Variants in CNTNAP2 observed in about 807,000 individuals in gnomAD.
The protein encoded by CNTNAP2 is contactin-associated protein-like 2.
In CNTNAP2, 98 loss-of-function variants were observed where a neutral mutation model predicts 155.2. The observed-to-expected ratio is 0.63, with a 90% CI of 0.54 to 0.75. CNTNAP2 has a LOEUF of 0.75. Among genes scored for constraint, CNTNAP2 ranks in the 30% least tolerant of loss-of-function variants. The probability of loss-of-function intolerance (pLI) is 0.00; values close to 1 mark genes in which losing one functional copy is unlikely to be tolerated. For synonymous variants in CNTNAP2, 651 were observed against 631.2 expected, an observed-to-expected ratio of 1.03 and a Z score of -0.47; for missense variants, 1,727 against 1,688.1, an observed-to-expected ratio of 1.02 and a Z score of -0.40.
At chr7:147,077,350 A>T (rs1448254297) in intron 4 of CNTNAP2, among the ~76,000 whole-genome samples, 1 of 152,276 alleles carries the variant, frequency 6.6e-6, no homozygotes, top group African/African-American at 2.4e-5. Flanking sequence ...TGCAATTATG[A>T]TTAGCAGAAA....
At chr7:147,895,814 A>G (rs117060303) in intron 13 of CNTNAP2, among the ~76,000 whole-genome samples, 1,676 of 152,356 alleles carry the variant, frequency 0.011, 88 homozygotes, top group Admixed American at 0.091. Context: ...CCTCTTGCTG[A>G]ATATAAAATA....
rs181963013 is a variant in CNTNAP2 at position 147,448,679 on chromosome 7, T to C, written c.1671-37256T>C. ...TTTCATATTTTAGGTCATATACATA[T>C]ACACAACATAATAGGGACGGGGAGA... is the stretch of plus-strand genomic sequence containing the variant. On this transcript the variant is annotated intron_variant, in intron 10 of 23. Transcript: ENST00000361727. Among the ~76,000 whole-genome samples, 685 of 152,048 alleles carry C rather than the reference T, an allele frequency of 4.5e-3. 1 individual carries two copies. Among genetic ancestry groups the C allele is most frequent in the Middle Eastern group, 0.014 (4 of 294 alleles).
At chr7:147,491,921 A>C (rs1285565263) in intron 11 of CNTNAP2, among the ~76,000 whole-genome samples, 4 of 152,204 alleles carry the variant, frequency 2.6e-5, no homozygotes, top group African/African-American at 9.6e-5. Context: ...AGCAAAAAAA[A>C]TCTACATATT....
chr7:146,197,738 T>A (rs1267559256), intron 1 of CNTNAP2, among the ~76,000 whole-genome samples: 7 of 152,208 alleles, frequency 4.6e-5, no homozygotes, highest in Admixed American at 4.6e-4. Context: ...TTTCCAGCAT[T>A]AAATTACATA....
intron 11 of CNTNAP2, among the ~76,000 whole-genome samples, chr7:147,487,573 T>C (rs1798532118): frequency 6.6e-6 from 1 of 152,200 alleles, no homozygotes; most frequent in Non-Finnish European, 1.5e-5. Context: ...TGCTAACCAA[T>C]GGTCAAGAGC....
chr7:147,028,224 T>C (rs567696427), intron 3 of CNTNAP2, among the ~76,000 whole-genome samples: 1 of 152,326 alleles, frequency 6.6e-6, no homozygotes, highest in African/African-American at 2.4e-5. Context: ...TAGATTTCAC[T>C]TTATTAGTGC....
chr7:147,496,433 GGAT>G (rs1798709283), intron 11 of CNTNAP2, among the ~76,000 whole-genome samples: 2 of 152,100 alleles, frequency 1.3e-5, no homozygotes, highest in African/African-American at 4.8e-5. Context: ...AAAACCATTT[GGAT>G]GATTTGATAT....
chr7:147,016,466 T>A (rs934203181), intron 3 of CNTNAP2, among the ~76,000 whole-genome samples: 5 of 152,068 alleles, frequency 3.3e-5, no homozygotes, highest in African/African-American at 9.7e-5. Flanking sequence ...AAACATACTA[T>A]AAAGTATATG....
chr7:147,483,363 G>A (rs1798457945), intron 10 of CNTNAP2, among the ~76,000 whole-genome samples: 1 of 152,238 alleles, frequency 6.6e-6, no homozygotes, highest in East Asian at 1.9e-4. Context: ...TCTATGGGGT[G>A]GGTGGGGATT....
At chr7:146,887,223 C>T (rs984876725) in intron 3 of CNTNAP2, among the ~76,000 whole-genome samples, 10 of 152,118 alleles carry the variant, frequency 6.6e-5, no homozygotes, top group African/African-American at 2.4e-4. Flanking sequence ...GATCTTGGCT[C>T]ACTGCAAACT....
intron 13 of CNTNAP2, among the ~76,000 whole-genome samples, chr7:147,657,806 A>AT (rs1476798944): frequency 6.6e-6 from 1 of 152,214 alleles, no homozygotes; most frequent in African/African-American, 2.4e-5. Flanking sequence ...TTTAGCAGAG[A>AT]TTTTATCTGA....
intron 13 of CNTNAP2, among the ~76,000 whole-genome samples, chr7:147,715,168 CT>C (rs369216901): frequency 4.6e-5 from 7 of 152,168 alleles, no homozygotes; most frequent in African/African-American, 1.7e-4. Flanking sequence ...GAAATTAAGT[CT>C]TCCTTTATCT....
At chr7:147,237,960 C>T (rs1011418631) in intron 8 of CNTNAP2, among the ~76,000 whole-genome samples, 1 of 152,164 alleles carries the variant, frequency 6.6e-6, no homozygotes, top group Admixed American at 6.5e-5. Flanking sequence ...GTGCTAATGA[C>T]AAAATAGTAG....
intron 1 of CNTNAP2, among the ~76,000 whole-genome samples, chr7:146,662,231 G>T (rs999121195): frequency 6.6e-6 from 1 of 151,952 alleles, no homozygotes; most frequent in African/African-American, 2.4e-5. Context: ...TCCACCTCCC[G>T]GGTTCAAGCG....
chr7:147,148,333 T>C lies in CNTNAP2; in HGVS notation c.1348+15824T>C, dbSNP rs796908050. Among the ~76,000 whole-genome samples the C allele has an allele frequency of 4.2e-3, 583 of 138,136 alleles. 5 individuals carry two copies. Among genetic ancestry groups the C allele is most frequent in the African/African-American group, 0.015 (559 of 36,370 alleles). 90.6% of individuals were successfully genotyped at this position (138,136 alleles called of 152,430 possible). A position where few individuals can be genotyped will look rare whatever the true frequency, so the allele number is the denominator to read the frequency against. On this transcript the variant is annotated intron_variant, in intron 8 of 23. Coordinates refer to ENST00000361727, the MANE Select transcript of CNTNAP2 (RefSeq NM_014141.6). The stretch of plus-strand genomic sequence containing the variant: ...TGAACCCGGGAGGCGGAGCTTGCAG[T>C]GAGCCGAGATCCCGCCACTGCACTC...
chr7:146,783,942 G>A (rs1275643961), intron 2 of CNTNAP2, among the ~76,000 whole-genome samples: 3 of 152,158 alleles, frequency 2.0e-5, no homozygotes, highest in African/African-American at 7.2e-5. Flanking sequence ...TGCGGATCAC[G>A]GGCTTTCAAT....
intron 10 of CNTNAP2, among the ~76,000 whole-genome samples, chr7:147,405,838 C>G (rs1796996805): frequency 6.6e-6 from 1 of 152,082 alleles, no homozygotes; most frequent in African/African-American, 2.4e-5. Context: ...GCACTTGAAA[C>G]CAAAACTGAA....
chr7:146,250,792 T>A (rs772281000), intron 1 of CNTNAP2, among the ~76,000 whole-genome samples: 8 of 152,218 alleles, frequency 5.3e-5, no homozygotes, highest in Non-Finnish European at 1.2e-4. Flanking sequence ...CCCTTAAATT[T>A]CTAAAATTAG....
intron 13 of CNTNAP2, among the ~76,000 whole-genome samples, chr7:147,755,623 G>T (rs1241406609): frequency 1.3e-5 from 2 of 152,180 alleles, no homozygotes; most frequent in African/African-American, 4.8e-5. Flanking sequence ...CTGCACCCCA[G>T]CCTGGGCGAC....
Sources: gnomAD v4.1 joint callset for allele counts (sites outside exome capture counted in the v4.1 genomes callset) on GRCh38, gnomAD v4.1.1 for gene constraint, MANE v1.5 for transcripts, NCBI Gene and HGNC (gene_info 2026-07-23, HGNC 2026-07-21) for gene names.